The following CAMKMT variants were observed in gnomAD, a reference collection of about 807,000 sequenced individuals.
CAMKMT encodes calmodulin-lysine N-methyltransferase, also known as CaM KMT.
Under a neutral mutation model 48.0 loss-of-function variants are expected in CAMKMT, and 53 were observed. The observed-to-expected ratio is 1.10, with a 90% CI of 0.89 to 1.39. The LOEUF (loss-of-function observed/expected upper bound fraction) is 1.39, where lower values mean the gene tolerates loss of function less well. Ranked by LOEUF, CAMKMT falls within the 40% of genes most tolerant of loss-of-function variation. CAMKMT has a pLI of 0.00. For synonymous variants in CAMKMT, 165 were observed against 152.3 expected (o/e 1.08, Z -0.61); for missense variants, 428 against 402.7 (o/e 1.06, Z -0.54).
intron 3 of CAMKMT, among the ~76,000 whole-genome samples, chr2:44,687,741 A>T (rs1676418250): frequency 6.6e-6 from 1 of 152,278 alleles, no homozygotes; most frequent in Non-Finnish European, 1.5e-5. Flanking sequence ...ATCCTTACAG[A>T]TGCTGTGGAT....
chr2:44,621,003 T>A lies in CAMKMT; in HGVS notation c.377-83280T>A, dbSNP rs562456018. Among the ~76,000 whole-genome samples, 13 of 152,340 alleles carry A rather than the reference T, an allele frequency of 8.5e-5. No individual in the cohort carries two copies. In the East Asian group the frequency reaches 2.5e-3, roughly 29 times the overall value. On this transcript the variant is annotated intron_variant, in intron 3 of 10. Coordinates refer to ENST00000378494, the MANE Select transcript of CAMKMT (RefSeq NM_024766.5). ...CCTGGAGCAGGCCGGGTGCGGTGGCTCACGCCTATAATCCCAGCACTTTGG... is the reference window on the plus strand; with the variant it reads ...CCTGGAGCAGGCCGGGTGCGGTGGCACACGCCTATAATCCCAGCACTTTGG...
At chr2:44,507,982 T>C (rs1464323126) in intron 3 of CAMKMT, among the ~76,000 whole-genome samples, 1 of 152,220 alleles carries the variant, frequency 6.6e-6, no homozygotes, top group South Asian at 2.1e-4. Context: ...TCTCAAACTA[T>C]CTGTGGTGAA....
chr2:44,721,684 A>C (rs1482804360), intron 7 of CAMKMT, among the ~76,000 whole-genome samples: 1 of 152,216 alleles, frequency 6.6e-6, no homozygotes, highest in Non-Finnish European at 1.5e-5. Context: ...GAAAGCTCAT[A>C]CTTGGCCAGA....
At chr2:44,708,834 G>T (rs1677714023) in intron 6 of CAMKMT, among the ~76,000 whole-genome samples, 1 of 151,982 alleles carries the variant, frequency 6.6e-6, no homozygotes, top group Non-Finnish European at 1.5e-5. Flanking sequence ...GGGGGAGCAG[G>T]ATTATTGGAC....
chr2:44,371,689 T>C (rs1354856008), intron 1 of CAMKMT, among the ~76,000 whole-genome samples: 2 of 152,158 alleles, frequency 1.3e-5, no homozygotes, highest in Non-Finnish European at 2.9e-5. Flanking sequence ...CTTCTCCCAT[T>C]GCCCCACCAC....
chr2:44,732,480 C>T (rs554316853), intron 7 of CAMKMT, among the ~76,000 whole-genome samples: 5 of 152,302 alleles, frequency 3.3e-5, no homozygotes, highest in South Asian at 2.1e-4. Flanking sequence ...TACATGTCTT[C>T]GCACATGAAT....
chr2:44,664,337 C>T (rs1674842645), intron 3 of CAMKMT, among the ~76,000 whole-genome samples: 2 of 152,130 alleles, frequency 1.3e-5, no homozygotes, highest in African/African-American at 4.8e-5. Context: ...TCTAACATTG[C>T]TTGGAACAAA....
At chr2:44,538,601 T>C (rs1037607632) in intron 3 of CAMKMT, among the ~76,000 whole-genome samples, 2 of 152,016 alleles carry the variant, frequency 1.3e-5, no homozygotes, top group Non-Finnish European at 2.9e-5. Flanking sequence ...AGTGATATAA[T>C]GGACTTCAGG....
chr2:44,379,411 C>G (rs1007137774), intron 2 of CAMKMT, among the ~76,000 whole-genome samples: 1 of 151,980 alleles, frequency 6.6e-6, no homozygotes, highest in Non-Finnish European at 1.5e-5. Flanking sequence ...GCTTTTAATT[C>G]TCTTGGGTAT....
At chr2:44,604,507 A>C (rs553173159) in intron 3 of CAMKMT, among the ~76,000 whole-genome samples, 2 of 151,984 alleles carry the variant, frequency 1.3e-5, no homozygotes, top group East Asian at 3.9e-4. Flanking sequence ...TATTGGAGGA[A>C]ATAGTTAAGG....
intron 3 of CAMKMT, 58 bp downstream of exon 3, chr2:44,390,363 A>G: frequency 8.0e-7 from 1 of 1,249,970 alleles, no homozygotes; most frequent in Non-Finnish European, 1.1e-6. Flanking sequence ...GTGAATTTAT[A>G]GTTGATGTTT....
At chr2:44,677,392 G>A (rs1675767318) in intron 3 of CAMKMT, among the ~76,000 whole-genome samples, 1 of 152,162 alleles carries the variant, frequency 6.6e-6, no homozygotes, top group Non-Finnish European at 1.5e-5. Context: ...GTAGAAGATT[G>A]CATTCAGTTT....
At chr2:44,719,853 A>C (rs561808374) in intron 7 of CAMKMT, among the ~76,000 whole-genome samples, 32 of 152,336 alleles carry the variant, frequency 2.1e-4, no homozygotes, top group Middle Eastern at 6.8e-3. Context: ...AAGGTAACTG[A>C]GATAAGGAAG....
chr2:44,631,641 G>A (rs1029343899), intron 3 of CAMKMT: 5 of 434,474 alleles, frequency 1.2e-5, no homozygotes, highest in Non-Finnish European at 2.0e-5. Flanking sequence ...GTTGGGTCTT[G>A]GATTTTGAGC....
chr2:44,520,364 G>A (rs1287934561), intron 3 of CAMKMT, among the ~76,000 whole-genome samples: 1 of 152,078 alleles, frequency 6.6e-6, no homozygotes, highest in Non-Finnish European at 1.5e-5. Context: ...CGATCCGCCT[G>A]CCGTGGACTC....
At chr2:44,648,306 G>A (rs1164729538) in intron 3 of CAMKMT, among the ~76,000 whole-genome samples, 2 of 152,148 alleles carry the variant, frequency 1.3e-5, no homozygotes, top group African/African-American at 4.8e-5. Context: ...ACTGGAGTTT[G>A]GTGGTGGGCA....
At chr2:44,542,318 A>G (rs1167804927) in intron 3 of CAMKMT, among the ~76,000 whole-genome samples, 6 of 152,158 alleles carry the variant, frequency 3.9e-5, no homozygotes, top group Non-Finnish European at 8.8e-5. Context: ...AATGTTTTCC[A>G]TATAGGGCCC....
At position 44,473,903 on chromosome 2, in the gene CAMKMT, C is replaced by T. The variant is rs561283093; in HGVS notation, c.376+83598C>T. On this transcript the variant is annotated intron_variant, in intron 3 of 10. Transcript: ENST00000378494. ...CCCTTCTTTTACAAACCTTTCAATC[C>T]GTAAACTGGGACCAGTTGTTCTATT... Among the ~76,000 whole-genome samples the T allele has an allele frequency of 6.6e-5, 10 of 152,210 alleles. No homozygotes were observed. In the East Asian group the frequency reaches 9.7e-4, roughly 15 times the overall value.
chr2:44,494,632 T>C (rs1669671981), intron 3 of CAMKMT, among the ~76,000 whole-genome samples: 1 of 152,212 alleles, frequency 6.6e-6, no homozygotes, highest in South Asian at 2.1e-4. Flanking sequence ...TTTAAAGCCC[T>C]TTTTCTTTAG....
Sources: gnomAD v4.1 joint callset for allele counts (sites outside exome capture counted in the v4.1 genomes callset) on GRCh38, gnomAD v4.1.1 for gene constraint, MANE v1.5 for transcripts, NCBI Gene and HGNC (gene_info 2026-07-23, HGNC 2026-07-21) for gene names.